Variants in SNAPC3 observed in about 807,000 individuals in gnomAD.
The protein encoded by SNAPC3 is snRNA-activating protein complex subunit 3.
SNAPC3 carries 56 observed loss-of-function variants against 47.7 expected under a neutral mutation model. That is an observed-to-expected ratio of 1.18 (90% CI 0.95 to 1.47). The LOEUF is 1.47. SNAPC3 is among the 40% of genes most tolerant of loss of function. The probability of loss-of-function intolerance (pLI) is 0.00; values close to 1 mark genes in which losing one functional copy is unlikely to be tolerated. For missense variants in SNAPC3, 665 were observed against 511.3 expected (o/e 1.30, Z -2.90); for synonymous variants, 235 against 189.9 (o/e 1.24, Z -1.95).
chr9:15,462,987 C>T (rs568782459), downstream of SNAPC3: 2 of 152,180 alleles, frequency 1.3e-5, no homozygotes, highest in South Asian at 2.1e-4. Flanking sequence ...ACATCTGTAA[C>T]CAGGTAAGTG....
downstream of SNAPC3, among the ~76,000 whole-genome samples, chr9:15,466,186 T>TGGCCA (rs1470464708): frequency 6.6e-6 from 1 of 152,244 alleles, no homozygotes; most frequent in East Asian, 1.9e-4. Flanking sequence ...GAGGCCGGGC[T>TGGCCA]GGCCAACATG....
chr9:15,442,805 G>A (rs2033593893), intron 3 of SNAPC3, among the ~76,000 whole-genome samples: 1 of 152,194 alleles, frequency 6.6e-6, no homozygotes, highest in Admixed American at 6.5e-5. Context: ...GGCACTTTGG[G>A]AGGCCAAGGC....
At chr9:15,453,295 G>A in intron 7 of SNAPC3, 90 bp downstream of exon 7, 1 of 1,055,176 alleles carries the variant, frequency 9.5e-7, no homozygotes, top group Non-Finnish European at 1.4e-6. Context: ...AAAATAAGAG[G>A]AGTAAAAGTA....
chr9:15,451,924 C>G (rs2034416551), intron 6 of SNAPC3, among the ~76,000 whole-genome samples: 1 of 151,908 alleles, frequency 6.6e-6, no homozygotes, highest in South Asian at 2.1e-4. Flanking sequence ...TTATCAATGT[C>G]TTAACAATTA....
At chr9:15,443,841 G>T (rs1265855487) in intron 3 of SNAPC3, among the ~76,000 whole-genome samples, 1 of 152,206 alleles carries the variant, frequency 6.6e-6, no homozygotes, top group African/African-American at 2.4e-5. Flanking sequence ...TAGTTGATTT[G>T]CACACAGTGC....
intron 7 of SNAPC3, among the ~76,000 whole-genome samples, chr9:15,454,288 A>G (rs2034611915): frequency 6.6e-6 from 1 of 152,080 alleles, no homozygotes. Context: ...CCCTGCTTCC[A>G]TTTTTGGTCT....
At chr9:15,447,989 G>A (rs2034076325) in intron 5 of SNAPC3, among the ~76,000 whole-genome samples, 1 of 152,152 alleles carries the variant, frequency 6.6e-6, no homozygotes, top group South Asian at 2.1e-4. Flanking sequence ...TAAAGCAGGA[G>A]GGCCTTGATC....
chr9:15,452,096 G>T (rs573096391), intron 6 of SNAPC3, among the ~76,000 whole-genome samples: 5 of 152,204 alleles, frequency 3.3e-5, no homozygotes, highest in Admixed American at 3.3e-4. Context: ...CCAAGTAGCT[G>T]GGACTACAGG....
chr9:15,443,808 G>A (rs934520788), intron 3 of SNAPC3, among the ~76,000 whole-genome samples: 1 of 152,234 alleles, frequency 6.6e-6, no homozygotes, highest in East Asian at 1.9e-4. Context: ...TCTCATCGGC[G>A]AGGGGCGAAG....
At chr9:15,464,159 C>CCAAA (rs1200150858), downstream of SNAPC3, 12 of 185,626 alleles carry the variant, frequency 6.5e-5, no homozygotes, top group Non-Finnish European at 1.1e-4. Context: ...TGTATAAGGA[C>CCAAA]CAAACAGATA....
chr9:15,431,725 C>A (rs1209210370), intron 2 of SNAPC3, among the ~76,000 whole-genome samples: 1 of 151,820 alleles, frequency 6.6e-6, no homozygotes, highest in Non-Finnish European at 1.5e-5. Flanking sequence ...TTTCACACAC[C>A]CCAAATGTAA....
At chr9:15,428,177 G>A (rs2131745789) in intron 2 of SNAPC3, among the ~76,000 whole-genome samples, 1 of 147,514 alleles carries the variant, frequency 6.8e-6, no homozygotes, top group Non-Finnish European at 1.5e-5. Context: ...TAGAATGACA[G>A]AAAAGAGCAC....
rs1465091655 is a variant in SNAPC3 at position 15,443,054 on chromosome 9, C to G, written c.478-1548C>G. Reference sequence around the variant, plus strand: ...GGCGTGGCGGCGCGCACCCGCAATCCCAGGCACTCGGCAGGCTGAGGCAGG... The same window carrying G: ...GGCGTGGCGGCGCGCACCCGCAATCGCAGGCACTCGGCAGGCTGAGGCAGG... On this transcript the variant is annotated intron_variant, in intron 3 of 8. Coordinates refer to ENST00000380821, the MANE Select transcript of SNAPC3 (RefSeq NM_001039697.2). 2.0e-5 allele frequency among the ~76,000 whole-genome samples: 3 copies of G among 152,242 alleles called. No individual in the cohort carries two copies. The East Asian group carries it at 5.8e-4, about 29-fold the overall frequency.
chr9:15,453,238 T>G (rs1587380603), intron 7 of SNAPC3, 33 bp downstream of exon 7: 1 of 1,459,568 alleles, frequency 6.9e-7, no homozygotes, highest in East Asian at 2.4e-5. Flanking sequence ...TTTTGTTACC[T>G]TTTTTTTTCT....
At position 15,460,804 on chromosome 9, in the gene SNAPC3, G is replaced by C. The variant is rs936662332; in HGVS notation, c.*938G>C. ...ACTATGTGAATAATGAATTTAAAAA[G>C]ATCTTGAGTATATACTCATAACTCC... is the stretch of plus-strand genomic sequence containing the variant. On this transcript the variant is annotated 3_prime_UTR_variant, in exon 9 of 9. Coordinates refer to ENST00000380821, the MANE Select transcript of SNAPC3 (RefSeq NM_001039697.2). 6.6e-6 allele frequency: 1 copy of C among 152,178 alleles called. No homozygotes were observed. The highest frequency in any genetic ancestry group is 1.5e-5 in the Non-Finnish European group (1 of 68,034). The allele number at this position is 152,178 out of a possible 1,614,324, so 9.4% of individuals were successfully genotyped here. A position where few individuals can be genotyped will look rare whatever the true frequency, so the allele number is the denominator to read the frequency against.
At chr9:15,432,963 A>G (rs982823687) in intron 2 of SNAPC3, among the ~76,000 whole-genome samples, 1 of 152,180 alleles carries the variant, frequency 6.6e-6, no homozygotes, top group Non-Finnish European at 1.5e-5. Flanking sequence ...TGGTGCAGGA[A>G]CCTGGCAGAC....
chr9:15,431,543 G>C (rs2032148774), intron 2 of SNAPC3, among the ~76,000 whole-genome samples: 1 of 144,924 alleles, frequency 6.9e-6, no homozygotes, highest in Non-Finnish European at 1.5e-5. Flanking sequence ...ACAAATATCT[G>C]TTTATTTGAA....
intron 7 of SNAPC3, among the ~76,000 whole-genome samples, chr9:15,457,481 A>G (rs2034882375): frequency 1.3e-5 from 2 of 151,852 alleles, no homozygotes; most frequent in African/African-American, 2.4e-5. Flanking sequence ...TGTAGTCCCA[A>G]CTACTGGAGA....
intron 4 of SNAPC3, among the ~76,000 whole-genome samples, chr9:15,444,983 C>A (rs2033809890): frequency 6.6e-6 from 1 of 152,240 alleles, no homozygotes; most frequent in East Asian, 1.9e-4. Flanking sequence ...ATCCCAACTA[C>A]TTGGGAGGCT....
Sources: gnomAD v4.1 joint callset for allele counts (sites outside exome capture counted in the v4.1 genomes callset) on GRCh38, gnomAD v4.1.1 for gene constraint, MANE v1.5 for transcripts, NCBI Gene and HGNC (gene_info 2026-07-23, HGNC 2026-07-21) for gene names.